The following DSG1 variants were observed in gnomAD, a reference collection of about 807,000 sequenced individuals.
DSG1 encodes desmoglein 1, also known as desmoglein-1.
Under a neutral mutation model 97.5 loss-of-function variants are expected in DSG1, and 39 were observed. The observed-to-expected ratio is 0.40, with a 90% CI of 0.31 to 0.52. The LOEUF (loss-of-function observed/expected upper bound fraction) is 0.52. Ranked by LOEUF, DSG1 falls within the 20% of genes least tolerant of loss-of-function variation. DSG1 has a pLI of 0.53. For synonymous variants in DSG1, 475 were observed against 443.4 expected (o/e 1.07, Z -0.90); for missense variants, 1,311 against 1,295.4 (o/e 1.01, Z -0.18).
At position 31,355,935 on chromosome 18, in the gene DSG1, G is replaced by A. The variant is rs900860416; in HGVS notation, c.*589G>A. 5 of 153,756 alleles carry A rather than the reference G, an allele frequency of 3.3e-5. No homozygotes were observed. Among genetic ancestry groups the A allele is most frequent in the Admixed American group, 3.2e-4 (5 of 15,546 alleles). 9.5% of individuals were successfully genotyped at this position (153,756 alleles called of 1,614,324 possible). A position where few individuals can be genotyped will look rare whatever the true frequency, so the allele number is the denominator to read the frequency against. On this transcript the variant is annotated 3_prime_UTR_variant, in exon 15 of 15. Transcript: ENST00000257192. ...TTCCAAATTAGGAAGTGTTTCCTAG[G>A]AGGAAAATTCCATTAGAGAGTGGCA...
rs16961640 is a variant in DSG1 at position 31,327,427 on chromosome 18, T to C, written c.216+422T>C. 7.7e-3 allele frequency among the ~76,000 whole-genome samples: 1,174 copies of C among 152,198 alleles called. 15 individuals are homozygous for C. Among genetic ancestry groups the C allele is most frequent in the African/African-American group, 0.026 (1,100 of 41,524 alleles). ...TGCCCTCTCTCATACCCCTTTTCTATTCATTTTTCCATATCTTCCTTTCTA... is the reference window on the plus strand; with the variant it reads ...TGCCCTCTCTCATACCCCTTTTCTACTCATTTTTCCATATCTTCCTTTCTA... On this transcript the variant is annotated intron_variant, in intron 3 of 14. Coordinates refer to ENST00000257192, the MANE Select transcript of DSG1 (RefSeq NM_001942.4).
intron 14 of DSG1, among the ~76,000 whole-genome samples, chr18:31,346,711 T>A (rs57920047): frequency 0.022 from 3,393 of 152,308 alleles, 131 homozygotes; most frequent in African/African-American, 0.077. Context: ...ATAGGATTAA[T>A]GTTTTCTCAT....
chr18:31,339,519 A>G (rs1366102225), intron 10 of DSG1, among the ~76,000 whole-genome samples: 3 of 151,982 alleles, frequency 2.0e-5, no homozygotes, highest in Admixed American at 2.0e-4. Flanking sequence ...AAATAATCCA[A>G]TAAATAGTAT....
intron 14 of DSG1, among the ~76,000 whole-genome samples, chr18:31,346,549 C>T (rs2071839242): frequency 6.6e-6 from 1 of 152,142 alleles, no homozygotes; most frequent in South Asian, 2.1e-4. Flanking sequence ...CTTTGCCACA[C>T]ACCTTTCACC....
At position 31,339,827 on chromosome 18, in the gene DSG1, A is replaced by G; in HGVS notation, c.1489A>G (p.Asn497Asp). ...TGACGACAGGACTAATACAGAGCCG[A>G]ACACTAAAATTACTACCAATACTGG... The part of the protein sequence containing the change: ...GNDDRTNTEP[N>D]TKITTNTGRQ... Residue 497 changes from asparagine to aspartate, a missense_variant, in exon 11 of 15, where the codon AAC becomes GAC. Transcript: ENST00000257192. 2 of 1,613,936 alleles carry G rather than the reference A, an allele frequency of 1.2e-6. No homozygotes were observed. The highest frequency in any genetic ancestry group is 1.7e-6 in the Non-Finnish European group (2 of 1,179,836).
Position 31,343,533 on chromosome 18 carries a change from G to T in DSG1, c.1771G>T (p.Asp591Tyr), listed in dbSNP as rs2071804685. 4 of 1,614,144 alleles carry T rather than the reference G, an allele frequency of 2.5e-6. No individual in the cohort carries two copies. The African/African-American group carries it at 4.0e-5, about 16-fold the overall frequency. Residue 591 changes from aspartate (D) to tyrosine (Y), a missense_variant, in exon 12 of 15, where the codon GAT (aspartate) becomes TAT (tyrosine). Asp to Tyr is a radical substitution (Grantham distance 160). Around this residue, in one of 3 missense-constraint regions of DSG1, gnomAD observed 1,038 missense variants for 964.6 expected, o/e 1.08. Coordinates refer to ENST00000257192, the MANE Select transcript of DSG1 (RefSeq NM_001942.4). ...CTTTGAGCCTGTTCCCGAATGTTCAGATGGAGCAATTCATTCATGGGCAGT... is the reference window on the plus strand; with the variant it reads ...CTTTGAGCCTGTTCCCGAATGTTCATATGGAGCAATTCATTCATGGGCAGT... Reference protein sequence around the residue: ...AGFEPVPECSDGAIHSWAVEG... With the variant: ...AGFEPVPECSYGAIHSWAVEG...
intron 5 of DSG1, 147 bp from the exon 6 acceptor site, chr18:31,331,554 C>G: frequency 1.5e-6 from 1 of 675,916 alleles, no homozygotes; most frequent in East Asian, 2.8e-5. Flanking sequence ...GCTAAGATAT[C>G]CATATGTTGA....
chr18:31,318,679 C>T (rs1235084101), intron 1 of DSG1, among the ~76,000 whole-genome samples: 3 of 151,130 alleles, frequency 2.0e-5, no homozygotes, highest in Admixed American at 1.3e-4. Context: ...TGCAAGAGGG[C>T]TTTTAAACTA....
chr18:31,348,109 C>G (rs2144114978), intron 14 of DSG1, among the ~76,000 whole-genome samples: 1 of 123,674 alleles, frequency 8.1e-6, no homozygotes, highest in East Asian at 2.3e-4. Context: ...CCGATGCTAT[C>G]CCGCCCCCCT....
chr18:31,324,249 T>A (rs1425241621), intron 1 of DSG1, among the ~76,000 whole-genome samples: 1 of 151,740 alleles, frequency 6.6e-6, no homozygotes, highest in East Asian at 1.9e-4. Flanking sequence ...CCCAAAGTGC[T>A]GGGATTACAG....
rs200607879 is a variant in DSG1, at chr18:31,331,680, T to A, written c.518-21T>A. ...AAAAATGTAAATCACCCATTTGCAA[T>A]CAATTTTCCTTAATTTCTAGATACA... is the stretch of plus-strand genomic sequence containing the variant. On this transcript the variant is annotated intron_variant, in intron 5 of 14. Transcript: ENST00000257192. The A allele has an allele frequency of 2.2e-4, 358 of 1,610,376 alleles. 3 individuals carry two copies. In the East Asian group the frequency reaches 7.6e-3, roughly 34 times the overall value.
At position 31,355,069 on chromosome 18, in the gene DSG1, G is replaced by A. The variant is rs1447006137; in HGVS notation, c.2873G>A (p.Gly958Asp). 1.2e-6 allele frequency: 2 copies of A among 1,614,186 alleles called. No homozygotes were observed. The highest frequency in any genetic ancestry group is 1.7e-6 in the Non-Finnish European group (2 of 1,180,028). ...ATTGTGACAGAGAGGGTTGTTTCTGGTGCTGGCGTAACTGGAATTAGTGGC... is the reference window on the plus strand; with the variant it reads ...ATTGTGACAGAGAGGGTTGTTTCTGATGCTGGCGTAACTGGAATTAGTGGC... Reference protein sequence around the residue: ...NVIVTERVVSGAGVTGISGTT... With the variant: ...NVIVTERVVSDAGVTGISGTT... Residue 958 changes from glycine to aspartate, a missense_variant, in exon 15 of 15, where the codon GGT (glycine) becomes GAT (aspartate). Gly to Asp is a moderately conservative substitution (Grantham distance 94). Coordinates refer to ENST00000257192, the MANE Select transcript of DSG1 (RefSeq NM_001942.4).
rs542189423 is a variant in DSG1, at chr18:31,355,774, T to G, written c.*428T>G. On this transcript the variant is annotated 3_prime_UTR_variant, in exon 15 of 15. Coordinates refer to ENST00000257192, the MANE Select transcript of DSG1 (RefSeq NM_001942.4). ...AAATGTGTGCCAGATGCCCTGTTGGTTTCACAGATAACATAAATAAAAATT... is the reference window on the plus strand; with the variant it reads ...AAATGTGTGCCAGATGCCCTGTTGGGTTCACAGATAACATAAATAAAAATT... 1 of 176,148 alleles carries G rather than the reference T, an allele frequency of 5.7e-6. No homozygotes were observed. The highest frequency in any genetic ancestry group is 5.5e-5 in the Admixed American group (1 of 18,020). 10.9% of individuals were successfully genotyped at this position (176,148 alleles called of 1,614,324 possible).
chr18:31,333,116 T>C (rs920910369), intron 6 of DSG1, among the ~76,000 whole-genome samples: 2 of 152,186 alleles, frequency 1.3e-5, no homozygotes, highest in African/African-American at 2.4e-5. Flanking sequence ...TCTAGAAATA[T>C]AAGCACCATT....
intron 14 of DSG1, among the ~76,000 whole-genome samples, chr18:31,348,918 C>T (rs1407166230): frequency 2.0e-5 from 2 of 99,298 alleles, no homozygotes; most frequent in African/African-American, 4.0e-5. Context: ...TGTAGGTTGC[C>T]TGTTCACTCT....
Position 31,346,011 on chromosome 18 carries a change from G to C in DSG1, c.1913G>C (p.Gly638Ala). 3 of 1,613,682 alleles carry C rather than the reference G, an allele frequency of 1.9e-6. No homozygotes were observed. Among genetic ancestry groups the C allele is most frequent in the Non-Finnish European group, 2.5e-6 (3 of 1,179,732 alleles). The stretch of plus-strand genomic sequence containing the variant: ...TTAGGAGTTTATACAAATGAGTATG[G>C]TGGCAGAGAAATGCAAGATCTGGGA... Reference protein sequence around the residue: ...DNSGVYTNEYGGREMQDLGGG... With the variant: ...DNSGVYTNEYAGREMQDLGGG... The change falls in exon 14 of 15, where the codon GGT becomes GCT. Residue 638 changes from glycine (G) to alanine (A), a missense_variant. Gly to Ala is a moderately conservative substitution (Grantham distance 60). This residue lies in a region of DSG1 where 1,038 missense variants were observed against 964.6 expected (regional missense o/e 1.08). Transcript: ENST00000257192.
chr18:31,351,826 A>G (rs1468124002), intron 14 of DSG1, among the ~76,000 whole-genome samples: 1 of 152,056 alleles, frequency 6.6e-6, no homozygotes, highest in African/African-American at 2.4e-5. Flanking sequence ...GGCTGGGTAG[A>G]TCTTCCTCCA....
chr18:31,355,400 C>T lies in DSG1; in HGVS notation c.*54C>T. The T allele has an allele frequency of 6.4e-7, 1 of 1,563,218 alleles. No individual in the cohort carries two copies. The highest frequency in any genetic ancestry group is 1.1e-5 in the South Asian group (1 of 88,898). On this transcript the variant is annotated 3_prime_UTR_variant, in exon 15 of 15. Transcript: ENST00000257192. ...CATTGTGGTTTAGATCCAATTCCCA[C>T]CACTAAAAAACCAACAATGTGATTT...
At chr18:31,329,854 G>A (rs2071709635) in intron 4 of DSG1, 38 bp from the exon 5 acceptor site, 2 of 1,607,330 alleles carry the variant, frequency 1.2e-6, no homozygotes, top group South Asian at 2.2e-5. Context: ...TAATAAATCT[G>A]TGTTTCACTG....
Sources: gnomAD v4.1 joint callset for allele counts (sites outside exome capture counted in the v4.1 genomes callset) on GRCh38, gnomAD v4.1.1 for gene constraint, gnomAD v4.1.1 regional missense constraint, MANE v1.5 for transcripts, NCBI Gene and HGNC (gene_info 2026-07-23, HGNC 2026-07-21) for gene names.